DYM: variants seen among roughly 807,000 people sequenced by gnomAD.
DYM encodes dyggve-Melchior-Clausen syndrome protein.
In DYM, 78 loss-of-function variants were observed where a neutral mutation model predicts 93.1. That is an observed-to-expected ratio of 0.84 (90% CI 0.70 to 1.01). DYM has a LOEUF of 1.01. Among genes scored for constraint, DYM ranks in the 50% least tolerant of loss-of-function variants. The pLI is 0.00. For synonymous variants in DYM, 321 were observed against 319.7 expected (o/e 1.00, Z -0.04); for missense variants, 789 against 845.0 (o/e 0.93, Z 0.82).
intron 3 of DYM, among the ~76,000 whole-genome samples, chr18:49,387,860 C>T (rs1439727762): frequency 2.0e-5 from 3 of 151,734 alleles, no homozygotes. Context: ...AATGTTGATT[C>T]CTTAGTTGAA....
At chr18:49,082,260 T>C (rs1332288884) in intron 17 of DYM, among the ~76,000 whole-genome samples, 1 of 152,256 alleles carries the variant, frequency 6.6e-6, no homozygotes, top group African/African-American at 2.4e-5. Flanking sequence ...TGTATATAGC[T>C]TCCTGTTTCC....
intron 13 of DYM, 41 bp downstream of exon 13, chr18:49,256,969 G>A: frequency 6.5e-7 from 1 of 1,528,600 alleles, no homozygotes; most frequent in Admixed American, 1.7e-5. Context: ...TAATAGCTCA[G>A]CCAGAGGCAA....
In DYM at chr18:49,266,913, G is replaced by T. The variant is rs530343430; in HGVS notation, c.1251+5265C>A. ...TTTTGCTTACAGTGGAAAAGCAGAA[G>T]GATGTAAAATCAAAGGTCTAAGCTT... On this transcript the variant is annotated intron_variant, in intron 11 of 17. Coordinates refer to ENST00000675505, the MANE Select transcript of DYM (RefSeq NM_001353214.3). 2.6e-5 allele frequency among the ~76,000 whole-genome samples: 4 copies of T among 152,064 alleles called. No homozygotes were observed. The East Asian group carries it at 7.7e-4, about 29-fold the overall frequency.
intron 15 of DYM, among the ~76,000 whole-genome samples, chr18:49,122,616 A>G (rs1029611718): frequency 1.3e-5 from 2 of 152,186 alleles, no homozygotes; most frequent in African/African-American, 2.4e-5. Context: ...TTATTTCATT[A>G]TATATTACAA....
In DYM at chr18:49,264,169, C is replaced by T. The variant is rs901572828; in HGVS notation, c.1252-5676G>A. Among the ~76,000 whole-genome samples, 7 of 149,282 alleles carry T rather than the reference C, an allele frequency of 4.7e-5. No individual in the cohort carries two copies. The South Asian group carries it at 1.5e-3, about 33-fold the overall frequency. On this transcript the variant is annotated intron_variant, in intron 11 of 17. Transcript: ENST00000675505. ...CTACGCATTCATTCTAGCTGCTTTA[C>T]AATATTTCATTTACGTAATCTGCTC...
At chr18:49,166,640 A>G (rs1208994242) in intron 14 of DYM, among the ~76,000 whole-genome samples, 1 of 152,154 alleles carries the variant, frequency 6.6e-6, no homozygotes, top group Admixed American at 6.6e-5. Context: ...ATTGTTTATA[A>G]GACATGTTTA....
At position 49,340,203 on chromosome 18, in the gene DYM, C is replaced by T. The variant is rs765013935; in HGVS notation, c.495-6350G>A. Among the ~76,000 whole-genome samples the T allele has an allele frequency of 3.9e-5, 6 of 152,232 alleles. No individual in the cohort carries two copies. In the East Asian group the frequency reaches 7.7e-4, roughly 20 times the overall value. On this transcript the variant is annotated intron_variant, in intron 6 of 17. Coordinates refer to ENST00000675505, the MANE Select transcript of DYM (RefSeq NM_001353214.3). ...TCCTGATCTCGTGATCCGCCCGCCT[C>T]GGCCTACCAAAGTGCTGGGATTACA...
chr18:49,329,259 G>A (rs2063140783), intron 8 of DYM, among the ~76,000 whole-genome samples: 1 of 126,384 alleles, frequency 7.9e-6, no homozygotes, highest in African/African-American at 2.9e-5. Context: ...ACAGGGCAGG[G>A]AACATCACAC....
At chr18:49,289,572 A>T (rs988162239) in intron 8 of DYM, among the ~76,000 whole-genome samples, 1 of 149,344 alleles carries the variant, frequency 6.7e-6, no homozygotes, top group African/African-American at 2.5e-5. Flanking sequence ...ATAGCCGGGC[A>T]TGGTGGTTCA....
intron 17 of DYM, among the ~76,000 whole-genome samples, chr18:49,052,250 C>T (rs1023462063): frequency 1.3e-5 from 2 of 152,204 alleles, no homozygotes; most frequent in African/African-American, 4.8e-5. Flanking sequence ...TTCAGTCAAC[C>T]TGGGTAGGCC....
Position 49,316,387 on chromosome 18 carries a change from A to G in DYM, c.763+15477T>C, listed in dbSNP as rs151093660. On this transcript the variant is annotated intron_variant, in intron 8 of 17. Coordinates refer to ENST00000675505, the MANE Select transcript of DYM (RefSeq NM_001353214.3). ...GTAAGTTTTCACTGGCTTATTTTGTAAAACTGAAGGCCTCCATCAAAATGC... is the reference window on the plus strand; with the variant it reads ...GTAAGTTTTCACTGGCTTATTTTGTGAAACTGAAGGCCTCCATCAAAATGC... Among the ~76,000 whole-genome samples the G allele has an allele frequency of 4.1e-3, 618 of 152,352 alleles. 2 individuals are homozygous for G. Among genetic ancestry groups the G allele is most frequent in the Non-Finnish European group, 7.4e-3 (505 of 68,030 alleles).
At chr18:49,149,305 C>G (rs1193952548) in intron 15 of DYM, among the ~76,000 whole-genome samples, 4 of 152,030 alleles carry the variant, frequency 2.6e-5, no homozygotes, top group African/African-American at 7.2e-5. Context: ...GCCCATGGAC[C>G]ATACTGGTCC....
intron 6 of DYM, among the ~76,000 whole-genome samples, chr18:49,338,033 T>C (rs2146945560): frequency 6.6e-6 from 1 of 152,242 alleles, no homozygotes; most frequent in East Asian, 1.9e-4. Flanking sequence ...ATGGAAAAAG[T>C]ATGTATATAT....
intron 16 of DYM, among the ~76,000 whole-genome samples, chr18:49,117,187 T>A (rs938671782): frequency 1.3e-5 from 2 of 152,222 alleles, no homozygotes; most frequent in African/African-American, 4.8e-5. Flanking sequence ...CTAAATGATG[T>A]CGATATAAGT....
At chr18:49,301,810 T>C (rs12605849) in intron 8 of DYM, among the ~76,000 whole-genome samples, 12,198 of 152,226 alleles carry the variant, frequency 0.08, 765 homozygotes, top group East Asian at 0.31. Context: ...TCCAGCCTGA[T>C]AGTGGCACCT....
intron 5 of DYM, among the ~76,000 whole-genome samples, chr18:49,367,224 A>C (rs1364118475): frequency 6.6e-6 from 1 of 152,202 alleles, no homozygotes; most frequent in Admixed American, 6.5e-5. Flanking sequence ...ACAATGAATA[A>C]ATATAAGCTA....
At chr18:49,336,229 G>A (rs2063662952) in intron 6 of DYM, among the ~76,000 whole-genome samples, 1 of 152,128 alleles carries the variant, frequency 6.6e-6, no homozygotes, top group Non-Finnish European at 1.5e-5. Context: ...AATTGTTTTA[G>A]TTTTGCTTAA....
intron 14 of DYM, among the ~76,000 whole-genome samples, chr18:49,169,667 C>G (rs560458441): frequency 6.6e-6 from 1 of 152,036 alleles, no homozygotes; most frequent in Non-Finnish European, 1.5e-5. Flanking sequence ...TAAGCCTCCT[C>G]CCTATGCCCT....
At chr18:49,317,587 CTCTCTCTCT>C (rs2062047750) in intron 8 of DYM, among the ~76,000 whole-genome samples, 4 of 12,446 alleles carry the variant, frequency 3.2e-4, no homozygotes, top group African/African-American at 1.8e-3. Context: ...CTCTCTCTCT[CTCTCTCTCT>C]CCCCCCTCCC....
Sources: allele counts gnomAD v4.1 joint callset (sites outside exome capture counted in the v4.1 genomes callset), GRCh38; gene constraint gnomAD v4.1.1; transcripts MANE v1.5; gene names NCBI Gene and HGNC (gene_info 2026-07-23, HGNC 2026-07-21).